ABCA6: variants seen among roughly 807,000 people sequenced by gnomAD.
The protein encoded by ABCA6 is ATP binding cassette subfamily A member 6.
A neutral mutation model predicts 191.2 loss-of-function variants in ABCA6; 164 were observed. That is an observed-to-expected ratio of 0.86 (90% CI 0.76 to 0.98). ABCA6 has a LOEUF of 0.98. Ranked by LOEUF, ABCA6 falls within the 50% of genes least tolerant of loss-of-function variation. The pLI is 0.00. For missense variants in ABCA6, 1,958 were observed against 1,894.1 expected, an observed-to-expected ratio of 1.03 and a Z score of -0.63; for synonymous variants, 636 against 647.7, an observed-to-expected ratio of 0.98 and a Z score of 0.27.
intron 2 of ABCA6, 96 bp downstream of exon 2, chr17:69,140,512 C>G: frequency 1.7e-6 from 1 of 582,838 alleles, no homozygotes; most frequent in Non-Finnish European, 2.8e-6. Context: ...ATCAATAAAT[C>G]CCATCTACTA....
intron 3 of ABCA6, 56 bp downstream of exon 3, chr17:69,137,240 A>C (rs1470822526): frequency 1.3e-5 from 19 of 1,494,130 alleles, no homozygotes; most frequent in Admixed American, 1.9e-5. Flanking sequence ...TAGACAACTT[A>C]TCAACAGTAT....
intron 17 of ABCA6, chr17:69,108,466 A>T (rs559595835): frequency 3.3e-5 from 5 of 152,228 alleles, no homozygotes; most frequent in African/African-American, 1.2e-4. Context: ...TTGTTGAAAA[A>T]TTTTGTGTAT....
At chr17:69,089,350 A>G (rs1255045427) in intron 27 of ABCA6, 115 bp downstream of exon 27, 5 of 956,004 alleles carry the variant, frequency 5.2e-6, no homozygotes, top group Non-Finnish European at 4.8e-6. Flanking sequence ...TAAGTGCTTT[A>G]TCTAAGATCA....
intron 4 of ABCA6, chr17:69,135,445 G>T (rs189701015): frequency 1.6e-4 from 25 of 152,596 alleles, no homozygotes; most frequent in Non-Finnish European, 2.9e-5. Context: ...TGATTAAAGT[G>T]ACTCAGTGGC....
intron 25 of ABCA6, 97 bp from the exon 26 acceptor site, chr17:69,091,359 T>TGAG: frequency 2.2e-6 from 3 of 1,360,034 alleles, no homozygotes; most frequent in Non-Finnish European, 3.1e-6. Flanking sequence ...ATGTATATCA[T>TGAG]AATGTTCCCA....
At chr17:69,079,947 C>T (rs1017404747) in intron 37 of ABCA6, among the ~76,000 whole-genome samples, 3 of 152,130 alleles carry the variant, frequency 2.0e-5, no homozygotes, top group African/African-American at 7.2e-5. Context: ...GCGCTAGGCA[C>T]TCTTTTTTAC....
At chr17:69,133,293 C>T (rs988583177) in intron 6 of ABCA6, among the ~76,000 whole-genome samples, 2 of 152,216 alleles carry the variant, frequency 1.3e-5, no homozygotes, top group Admixed American at 6.5e-5. Context: ...AAACAAGCTG[C>T]AGTCAGGGCA....
At chr17:69,137,884 CTTGTA>C (rs2073974801) in intron 2 of ABCA6, among the ~76,000 whole-genome samples, 1 of 152,048 alleles carries the variant, frequency 6.6e-6, no homozygotes, top group African/African-American at 2.4e-5. Context: ...TTGTCATATC[CTTGTA>C]TTGTAAACTA....
chr17:69,105,466 G>T lies in ABCA6; in HGVS notation c.2736C>A (p.Asn912Lys), dbSNP rs2073276762. The T allele has an allele frequency of 1.2e-6, 2 of 1,603,338 alleles. No homozygotes were observed. Among genetic ancestry groups the T allele is most frequent in the Non-Finnish European group, 1.7e-6 (2 of 1,177,196 alleles). Reference protein sequence around the residue: ...EPRTSLLIINNTESNIEDFIK... With the variant: ...EPRTSLLIINKTESNIEDFIK... ...AAATTTTATTTTTCTTTTCACCTGT[G>T]TTATTGATGATCAACAGGCTGGTAC... The change falls in exon 20 of 39, where the codon AAC becomes AAA. Residue 912 changes from asparagine (N) to lysine (K), a missense_variant. Physicochemically the swap from Asn to Lys is moderately conservative, Grantham distance 94. Transcript: ENST00000284425.
chr17:69,136,154 A>C lies in ABCA6; in HGVS notation c.398T>G (p.Phe133Cys). The C allele has an allele frequency of 6.2e-7, 1 of 1,607,640 alleles. No individual in the cohort carries two copies. The highest frequency in any genetic ancestry group is 8.5e-7 in the Non-Finnish European group (1 of 1,176,414). The change falls in exon 4 of 39, where the codon TTC becomes TGC. Residue 133 changes from phenylalanine to cysteine, a missense_variant. Phe to Cys is a radical substitution (Grantham distance 205, BLOSUM62 -2). Coordinates refer to ENST00000284425, the MANE Select transcript of ABCA6 (RefSeq NM_080284.3). ...CTGGAAAAATATTAACTTATAAGAGAAAGTTTCATTAAAGATGATTCCCAT... is the reference window on the plus strand; with the variant it reads ...CTGGAAAAATATTAACTTATAAGAGCAAGTTTCATTAAAGATGATTCCCAT... ...YAMGIIFNETFSYKLIFFQGY... is the reference protein window; with the variant it reads ...YAMGIIFNETCSYKLIFFQGY...
At chr17:69,094,096 T>C (rs2072993312) in intron 25 of ABCA6, among the ~76,000 whole-genome samples, 1 of 152,218 alleles carries the variant, frequency 6.6e-6, no homozygotes, top group Non-Finnish European at 1.5e-5. Context: ...TGTTTCTCAG[T>C]GTCATGTCTG....
Position 69,082,982 on chromosome 17 carries a change from T to G in ABCA6, c.4507A>C (p.Lys1503Gln). 1 of 1,614,224 alleles carries G rather than the reference T, an allele frequency of 6.2e-7. No individual in the cohort carries two copies. Among genetic ancestry groups the G allele is most frequent in the Non-Finnish European group, 8.5e-7 (1 of 1,180,020 alleles). The change falls in exon 36 of 39, where the codon AAA (lysine) becomes CAA (glutamine). Residue 1503 changes from lysine (K) to glutamine (Q), a missense_variant. Physicochemically the swap from Lys to Gln is moderately conservative, Grantham distance 53. Coordinates refer to ENST00000284425, the MANE Select transcript of ABCA6 (RefSeq NM_080284.3). ...CIGSIQHLKN[K>Q]LGKDYILELK... The stretch of plus-strand genomic sequence containing the variant: ...TCTAGAATGTAATCCTTGCCAAGTT[T>G]GTTTTTCAGGTGTTGGATGGAGCCA...
rs746197110 is a variant in ABCA6 at position 69,096,224 on chromosome 17, T to C, written c.3408+16A>G. On this transcript the variant is annotated intron_variant, in intron 25 of 38. Transcript: ENST00000284425. ...AAATAACACTATTTCTCTATTTGTA[T>C]GTATTATATACTTACAAAAAAGAAG... The C allele has an allele frequency of 6.6e-6, 8 of 1,214,890 alleles. No homozygotes were observed. The highest frequency in any genetic ancestry group is 3.1e-5 in the African/African-American group (2 of 64,700). The allele number at this position is 1,214,890 out of a possible 1,614,324, so 75.3% of individuals were successfully genotyped here.
rs780422023 is a variant in ABCA6 at position 69,128,747 on chromosome 17, C to G, written c.991G>C (p.Val331Leu). 6.2e-7 allele frequency: 1 copy of G among 1,612,068 alleles called. No individual in the cohort carries two copies. Among genetic ancestry groups the G allele is most frequent in the Non-Finnish European group, 8.5e-7 (1 of 1,178,922 alleles). ...CAAAAGAGGGTAAGGAGAAACACAACCAAATTGGTGAGGACAGCTTTCTTT... is the reference window on the plus strand; with the variant it reads ...CAAAAGAGGGTAAGGAGAAACACAAGCAAATTGGTGAGGACAGCTTTCTTT... ...LLKKAVLTNL[V>L]VFLLTLFWGC... The change falls in exon 8 of 39, where the codon GTT becomes CTT. Residue 331 changes from valine to leucine, a missense_variant. Transcript: ENST00000284425.
At chr17:69,123,028 G>C (rs1429817721) in intron 10 of ABCA6, among the ~76,000 whole-genome samples, 2 of 139,608 alleles carry the variant, frequency 1.4e-5, no homozygotes, top group African/African-American at 5.2e-5. Context: ...TAGGGGGAGG[G>C]GGGAGGGATA....
chr17:69,085,020 G>A lies in ABCA6; in HGVS notation c.4184+8C>T, dbSNP rs62082719. On this transcript the variant is annotated splice_region_variant and intron_variant, in intron 32 of 38. Coordinates refer to ENST00000284425, the MANE Select transcript of ABCA6 (RefSeq NM_080284.3). ...CTGACACAAAGGAATCGCAGGTCCC[G>A]TCTGTACCTTGCGATGGCGAGCCTC... 0.1 allele frequency: 162,848 copies of A among 1,606,366 alleles called. 9,358 individuals carry two copies. Among genetic ancestry groups the A allele is most frequent in the Non-Finnish European group, 0.11 (135,364 of 1,177,768 alleles).
intron 25 of ABCA6, among the ~76,000 whole-genome samples, chr17:69,091,796 A>G (rs1358669131): frequency 1.0e-4 from 2 of 19,308 alleles, no homozygotes; most frequent in East Asian, 7.5e-4. Context: ...TGCTGGGATT[A>G]CAGGCGTGAG....
chr17:69,129,719 A>G lies in ABCA6; in HGVS notation c.824T>C (p.Ile275Thr), dbSNP rs1464263630. 1.9e-6 allele frequency: 3 copies of G among 1,605,362 alleles called. No homozygotes were observed. The East Asian group carries it at 6.7e-5, about 36-fold the overall frequency. The change falls in exon 7 of 39, where the codon ATC becomes ACC. Residue 275 changes from isoleucine to threonine, a missense_variant. Transcript: ENST00000284425. Reference protein sequence around the residue: ...LSWGLIYAGFIFIISIFVTII... With the variant: ...LSWGLIYAGFTFIISIFVTII... Reference sequence around the variant, plus strand: ...TGTAACGAATATGGAAATAATAAAGATGAAGCCAGCATAGATTAGACCCCA... The same window carrying G: ...TGTAACGAATATGGAAATAATAAAGGTGAAGCCAGCATAGATTAGACCCCA...
chr17:69,108,224 C>G (rs988297395), intron 17 of ABCA6: 8 of 163,102 alleles, frequency 4.9e-5, no homozygotes, highest in Non-Finnish European at 1.3e-5. Flanking sequence ...AATAACACAA[C>G]CTCTGAGGCT....
Sources: allele counts gnomAD v4.1 joint callset (sites outside exome capture counted in the v4.1 genomes callset), GRCh38; gene constraint gnomAD v4.1.1; transcripts MANE v1.5; gene names NCBI Gene and HGNC (gene_info 2026-07-23, HGNC 2026-07-21).